The following BRAF variants were observed in gnomAD, a reference collection of about 807,000 sequenced individuals.
BRAF encodes serine/threonine-protein kinase B-raf.
In BRAF, 16 loss-of-function variants were observed where a neutral mutation model predicts 104.6. The ratio of observed to expected loss-of-function variants is 0.15; its 90% CI spans 0.10 to 0.23. The LOEUF (loss-of-function observed/expected upper bound fraction) is 0.23. BRAF is among the 10% of genes least tolerant of loss of function. BRAF has a pLI of 1.00. For synonymous variants in BRAF, 310 were observed against 341.6 expected, an observed-to-expected ratio of 0.91 and a Z score of 1.02; for missense variants, 541 against 937.3, an observed-to-expected ratio of 0.58 and a Z score of 5.52.
rs1345939248 is a variant in BRAF at position 140,879,841 on chromosome 7, C to G, written c.139-29629G>C. Among the ~76,000 whole-genome samples the G allele has an allele frequency of 2.0e-5, 3 of 151,870 alleles. No individual in the cohort carries two copies. The East Asian group carries it at 5.8e-4, about 29-fold the overall frequency. On this transcript the variant is annotated intron_variant, in intron 1 of 19. Transcript: ENST00000644969. ...CTGCCTCCTGGGTTCAAGCAATTCT[C>G]CTGCCTCAGCCTCCCAAGTAGCTGG...
intron 8 of BRAF, among the ~76,000 whole-genome samples, chr7:140,788,252 T>C (rs1801599293): frequency 6.6e-6 from 1 of 152,210 alleles, no homozygotes; most frequent in African/African-American, 2.4e-5. Flanking sequence ...GTAATTCTAC[T>C]TCTGGGAACT....
intron 1 of BRAF, among the ~76,000 whole-genome samples, chr7:140,913,793 T>G (rs1377373982): frequency 6.6e-6 from 1 of 152,148 alleles, no homozygotes; most frequent in African/African-American, 2.4e-5. Context: ...ACCACAGCTT[T>G]TAAATACCAA....
In BRAF at chr7:140,794,406, G is replaced by C. The variant is rs766062968; in HGVS notation, c.1042C>G (p.Pro348Ala). The change falls in exon 8 of 20, where the codon CCA becomes GCA. Residue 348 changes from proline (P) to alanine (A), a missense_variant. Physicochemically the swap from Pro to Ala is conservative, Grantham distance 27. Coordinates refer to ENST00000644969, the MANE Select transcript of BRAF (RefSeq NM_001374258.1). ...TGATTTCGATGATCTTCATCTGCTGGTCGGAAGGGCTGTGGAATTGGAATG... is the reference window on the plus strand; with the variant it reads ...TGATTTCGATGATCTTCATCTGCTGCTCGGAAGGGCTGTGGAATTGGAATG... Reference protein sequence around the residue: ...KSIPIPQPFRPADEDHRNQFG... With the variant: ...KSIPIPQPFRAADEDHRNQFG... The C allele has an allele frequency of 9.9e-6, 16 of 1,613,926 alleles. No homozygotes were observed. Among genetic ancestry groups the C allele is most frequent in the Non-Finnish European group, 1.1e-5 (13 of 1,180,028 alleles).
intron 18 of BRAF, 84 bp downstream of exon 17, chr7:140,739,726 TAC>T: frequency 1.4e-5 from 21 of 1,494,820 alleles, no homozygotes; most frequent in Non-Finnish European, 1.9e-5. Context: ...ACTCATGAAA[TAC>T]ACACTGTGTG....
intron 8 of BRAF, among the ~76,000 whole-genome samples, chr7:140,790,633 G>A (rs1014882923): frequency 6.6e-5 from 10 of 152,306 alleles, no homozygotes; most frequent in Admixed American, 1.3e-4. Flanking sequence ...CACACAGTCT[G>A]TAAAGAGTTA....
intron 1 of BRAF, among the ~76,000 whole-genome samples, chr7:140,904,304 A>G (rs1342725920): frequency 6.6e-6 from 1 of 152,200 alleles, no homozygotes; most frequent in Non-Finnish European, 1.5e-5. Context: ...CATCCACAGC[A>G]AAACAATTAT....
chr7:140,785,800 T>C lies in BRAF; in HGVS notation c.1186A>G (p.Asn396Asp). ...QGFRGDGAPL[N>D]QLMRCLRKYQ... is the part of the protein sequence containing the mutation. Reference sequence around the variant, plus strand: ...TTCCGAAGACAGCGCATCAGCTGGTTCAAAGGGGCTGTTAGAAGAGAAAGA... The same window carrying C: ...TTCCGAAGACAGCGCATCAGCTGGTCCAAAGGGGCTGTTAGAAGAGAAAGA... Residue 396 changes from asparagine to aspartate, a missense_variant, in exon 10 of 20, where the codon AAC becomes GAC. Asn to Asp is a conservative substitution (Grantham distance 23, BLOSUM62 1). Transcript: ENST00000644969. The C allele has an allele frequency of 2.5e-6, 1 of 398,964 alleles. No individual in the cohort carries two copies. Among genetic ancestry groups the C allele is most frequent in the Non-Finnish European group, 4.4e-6 (1 of 226,058 alleles). The allele number at this position is 398,964 out of a possible 1,614,324, so 24.7% of individuals were successfully genotyped here.
intron 17 of BRAF, chr7:140,747,513 T>A: frequency 6.1e-6 from 4 of 654,670 alleles, no homozygotes; most frequent in Non-Finnish European, 9.2e-6. Flanking sequence ...TTGGAGATAA[T>A]ACTTGTTTCT....
Position 140,726,259 on chromosome 7 carries a change from T to G in BRAF, c.*235A>C, listed in dbSNP as rs1030166396. 9.3e-6 allele frequency: 13 copies of G among 1,399,440 alleles called. No individual in the cohort carries two copies. The highest frequency in any genetic ancestry group is 1.2e-5 in the Non-Finnish European group (13 of 1,082,772). The allele number at this position is 1,399,440 out of a possible 1,614,324, so 86.7% of individuals were successfully genotyped here. ...TCTTTCTTCCTGGGACTGGGCAGAC[T>G]TGTATGCTCGTGGTATTTTTGTTGA... On this transcript the variant is annotated 3_prime_UTR_variant, in exon 20 of 20. Transcript: ENST00000644969.
In BRAF at chr7:140,719,808, T is replaced by G. The variant is rs150788389; in HGVS notation, c.*6686A>C. On this transcript the variant is annotated 3_prime_UTR_variant, in exon 20 of 20. Transcript: ENST00000644969. ...GGACAATTAAAAAGTCCCCATCTTT[T>G]CACTGGGCACGCCCCAGACTCCACG... 9.4e-7 allele frequency: 1 copy of G among 1,063,072 alleles called. No homozygotes were observed. The highest frequency in any genetic ancestry group is 1.1e-6 in the Non-Finnish European group (1 of 877,904). The allele number at this position is 1,063,072 out of a possible 1,614,324, so 65.9% of individuals were successfully genotyped here.
At chr7:140,901,692 T>C (rs1204034688) in intron 1 of BRAF, among the ~76,000 whole-genome samples, 3 of 152,224 alleles carry the variant, frequency 2.0e-5, no homozygotes, top group African/African-American at 7.2e-5. Flanking sequence ...TAATTACTCT[T>C]CTTTATAAAG....
chr7:140,872,947 T>C (rs1811777031), intron 1 of BRAF, among the ~76,000 whole-genome samples: 1 of 152,120 alleles, frequency 6.6e-6, no homozygotes, highest in African/African-American at 2.4e-5. Flanking sequence ...ATCAGATTGT[T>C]GTATGCTAGA....
In BRAF at chr7:140,858,537, G is replaced by A. The variant is rs114991467; in HGVS notation, c.139-8325C>T. On this transcript the variant is annotated intron_variant, in intron 1 of 19. Transcript: ENST00000644969. ...ATTTCATGGGAGAACAAAACAGTAG[G>A]TGGTCAGTTTAAGACTAAAAGATAA... Among the ~76,000 whole-genome samples the A allele has an allele frequency of 3.3e-3, 495 of 152,266 alleles. 3 individuals are homozygous for A. The highest frequency in any genetic ancestry group is 0.011 in the African/African-American group (473 of 41,550).
At chr7:140,814,309 T>C (rs2129051122) in intron 3 of BRAF, among the ~76,000 whole-genome samples, 1 of 152,268 alleles carries the variant, frequency 6.6e-6, no homozygotes, top group East Asian at 1.9e-4. Flanking sequence ...GAACTGAAAT[T>C]ATCTTTTGTT....
intron 1 of BRAF, among the ~76,000 whole-genome samples, chr7:140,879,022 G>T (rs1036171305): frequency 1.3e-5 from 2 of 151,944 alleles, no homozygotes; most frequent in African/African-American, 2.4e-5. Context: ...TTACAGGCAT[G>T]CACCACCATG....
chr7:140,801,992 G>A (rs1450823624), intron 5 of BRAF, among the ~76,000 whole-genome samples: 2 of 152,096 alleles, frequency 1.3e-5, no homozygotes, highest in East Asian at 3.8e-4. Flanking sequence ...GCACCCAATA[G>A]AAGAACCAAA....
chr7:140,794,174 CA>C (rs2129037821), intron 8 of BRAF, 133 bp downstream of exon 8: 1 of 1,093,866 alleles, frequency 9.1e-7, no homozygotes, highest in South Asian at 1.5e-5. Context: ...TTGTGATTCA[CA>C]AGAAGCTTAT....
At chr7:140,869,282 C>T (rs1463429102) in intron 1 of BRAF, among the ~76,000 whole-genome samples, 1 of 152,040 alleles carries the variant, frequency 6.6e-6, no homozygotes, top group Non-Finnish European at 1.5e-5. Context: ...TTCCCCCATC[C>T]CCTTCTTAAC....
chr7:140,720,706 C>T lies in BRAF; in HGVS notation c.*5788G>A, dbSNP rs1173324549. On this transcript the variant is annotated 3_prime_UTR_variant, in exon 20 of 20. Transcript: ENST00000644969. ...TCTCTGTTCTCTACATCTGTGCCTA[C>T]TCTGTGAGCTTTGTTGTTTATGCTA... 9.4e-7 allele frequency: 1 copy of T among 1,065,814 alleles called. No individual in the cohort carries two copies. Among genetic ancestry groups the T allele is most frequent in the Non-Finnish European group, 1.1e-6 (1 of 879,694 alleles). 66.0% of individuals were successfully genotyped at this position (1,065,814 alleles called of 1,614,324 possible). A position where few individuals can be genotyped will look rare whatever the true frequency, so the allele number is the denominator to read the frequency against.
Sources: gnomAD v4.1 joint callset for allele counts (sites outside exome capture counted in the v4.1 genomes callset) on GRCh38, gnomAD v4.1.1 for gene constraint, MANE v1.5 for transcripts, NCBI Gene and HGNC (gene_info 2026-07-23, HGNC 2026-07-21) for gene names.